GLG1: variants seen among roughly 807,000 people sequenced by gnomAD.
The protein encoded by GLG1 is golgi glycoprotein 1, also known as Golgi apparatus protein 1.
GLG1 carries 38 observed loss-of-function variants against 160.5 expected under a neutral mutation model. The ratio of observed to expected loss-of-function variants is 0.24; its 90% CI spans 0.18 to 0.31. GLG1 has a LOEUF of 0.31. Among genes scored for constraint, GLG1 ranks in the 10% least tolerant of loss-of-function variants. The probability of loss-of-function intolerance (pLI) is 1.00; values close to 1 mark genes in which losing one functional copy is unlikely to be tolerated. For synonymous variants in GLG1, 644 were observed against 543.4 expected, an observed-to-expected ratio of 1.19 and a Z score of -2.57; for missense variants, 1,373 against 1,505.2, an observed-to-expected ratio of 0.91 and a Z score of 1.45.
intron 25 of GLG1, among the ~76,000 whole-genome samples, chr16:74,456,209 T>C (rs1320508639): frequency 6.6e-6 from 1 of 152,226 alleles, no homozygotes; most frequent in Non-Finnish European, 1.5e-5. Context: ...TTTTCAGCGG[T>C]GAACAGTGGG....
chr16:74,527,243 TTC>T (rs2017365704), intron 2 of GLG1, among the ~76,000 whole-genome samples: 1 of 127,396 alleles, frequency 7.8e-6, no homozygotes, highest in South Asian at 2.5e-4. Flanking sequence ...CTTAAGTCAG[TTC>T]TTTTTTTTTT....
chr16:74,512,825 C>T (rs1033480224), intron 2 of GLG1, among the ~76,000 whole-genome samples: 5 of 152,082 alleles, frequency 3.3e-5, no homozygotes, highest in African/African-American at 7.2e-5. Flanking sequence ...GGAGATTTTA[C>T]AGAACACAAA....
chr16:74,575,023 C>A lies in GLG1; in HGVS notation c.438+31634G>T, dbSNP rs866009553. Among the ~76,000 whole-genome samples, 10 of 13,144 alleles carry A rather than the reference C, an allele frequency of 7.6e-4. 4 individuals are homozygous for A. 8.6% of individuals were successfully genotyped at this position (13,144 alleles called of 152,430 possible). On this transcript the variant is annotated intron_variant, in intron 1 of 25. Transcript: ENST00000422840. ...TGGGAGGCCGGGGGGGGGGGGGGGG[C>A]GGATCACGAGGTCAAGAGTTCAAGA...
At chr16:74,558,720 A>C (rs76890938) in intron 1 of GLG1, among the ~76,000 whole-genome samples, 2,847 of 152,292 alleles carry the variant, frequency 0.019, 34 homozygotes, top group Non-Finnish European at 0.027. Flanking sequence ...TCCTATATTA[A>C]CTATTTTGAC....
chr16:74,553,535 C>T (rs1275164392), intron 1 of GLG1, among the ~76,000 whole-genome samples: 5 of 142,842 alleles, frequency 3.5e-5, no homozygotes, highest in Admixed American at 7.4e-5. Context: ...TGCAGTGGCA[C>T]GATCTCGGCT....
At chr16:74,526,094 G>T (rs1305469226) in intron 2 of GLG1, among the ~76,000 whole-genome samples, 1 of 152,208 alleles carries the variant, frequency 6.6e-6, no homozygotes, top group Non-Finnish European at 1.5e-5. Context: ...CGAGAGAGAA[G>T]TATCAATTGA....
chr16:74,572,506 C>A (rs1157249785), intron 1 of GLG1, among the ~76,000 whole-genome samples: 1 of 140,170 alleles, frequency 7.1e-6, no homozygotes, highest in Non-Finnish European at 1.5e-5. Flanking sequence ...GAGTGAGACT[C>A]TGTCTCAAAA....
intron 9 of GLG1, 111 bp downstream of exon 9, chr16:74,485,685 C>A: frequency 4.1e-6 from 4 of 971,196 alleles, no homozygotes; most frequent in Middle Eastern, 2.9e-4. Flanking sequence ...ACTTGTTCAA[C>A]AAAATTTCAG....
At chr16:74,590,237 G>A (rs959636177) in intron 1 of GLG1, among the ~76,000 whole-genome samples, 7 of 152,000 alleles carry the variant, frequency 4.6e-5, no homozygotes, top group African/African-American at 1.7e-4. Context: ...CTGATCTCGT[G>A]ATCCGCCCAC....
At chr16:74,555,362 T>C (rs2018323208) in intron 1 of GLG1, among the ~76,000 whole-genome samples, 1 of 152,206 alleles carries the variant, frequency 6.6e-6, no homozygotes. Context: ...GCAAGTTTCC[T>C]TGACATTGTC....
At position 74,491,184 on chromosome 16, in the gene GLG1, C is replaced by G. The variant is rs939430013; in HGVS notation, c.1266G>C (p.Glu422Asp). 1.2e-6 allele frequency: 2 copies of G among 1,613,948 alleles called. No individual in the cohort carries two copies. Among genetic ancestry groups the G allele is most frequent in the African/African-American group, 2.7e-5 (2 of 74,936 alleles). ...TCAACATGCGTCGGTAATCCAGCAT[C>G]TCCCCCTGGCACTCACTGCTGACTT... Reference protein sequence around the residue: ...GRQVSSECQGEMLDYRRMLME... With the variant: ...GRQVSSECQGDMLDYRRMLME... Residue 422 changes from glutamate to aspartate, a missense_variant, in exon 8 of 26, where the codon GAG (glutamate) becomes GAC (aspartate). Transcript: ENST00000422840.
At chr16:74,559,973 C>CT (rs556566763) in intron 1 of GLG1, among the ~76,000 whole-genome samples, 117 of 152,288 alleles carry the variant, frequency 7.7e-4, no homozygotes, top group African/African-American at 2.7e-3. Context: ...TAATAGCTTA[C>CT]TTTATATAGT....
chr16:74,469,130 TG>T (rs753013769), intron 16 of GLG1, 67 bp from the exon 17 acceptor site: 79 of 989,960 alleles, frequency 8.0e-5, no homozygotes, highest in Middle Eastern at 2.1e-4. Context: ...GAGCTGGGCT[TG>T]GGGGGGGTCA....
chr16:74,589,884 C>A (rs1004409115), intron 1 of GLG1, among the ~76,000 whole-genome samples: 8 of 152,098 alleles, frequency 5.3e-5, no homozygotes, highest in African/African-American at 1.9e-4. Context: ...TTGCAGTGAG[C>A]TGAAATCCAG....
At chr16:74,582,389 C>T (rs1957957862) in intron 1 of GLG1, among the ~76,000 whole-genome samples, 1 of 152,030 alleles carries the variant, frequency 6.6e-6, no homozygotes, top group South Asian at 2.1e-4. Flanking sequence ...TGGTCTTGAA[C>T]TCCTGACCTC....
At chr16:74,479,252 A>AG (rs2015512032) in intron 11 of GLG1, among the ~76,000 whole-genome samples, 1 of 150,118 alleles carries the variant, frequency 6.7e-6, no homozygotes, top group African/African-American at 2.4e-5. Flanking sequence ...AAAAAAAAAA[A>AG]AAAAGGTTAA....
Position 74,453,093 on chromosome 16 carries a change from AGT to A in GLG1, c.*72_*73del. ...TGTCACTTCTGAGAAGAGCGAGGTG[AGT>A]GGGGATGCTATACAAGAGGGCTGTA... On this transcript the variant is annotated 3_prime_UTR_variant, in exon 26 of 26. Transcript: ENST00000422840. The A allele has an allele frequency of 1.3e-6, 2 of 1,558,776 alleles. No homozygotes were observed. Among genetic ancestry groups the A allele is most frequent in the Non-Finnish European group, 1.7e-6 (2 of 1,152,724 alleles).
At chr16:74,455,540 A>T (rs1220512837) in intron 25 of GLG1, among the ~76,000 whole-genome samples, 1 of 152,104 alleles carries the variant, frequency 6.6e-6, no homozygotes, top group East Asian at 1.9e-4. Flanking sequence ...GGGTGAGGAG[A>T]GTGTTGACTA....
In GLG1 at chr16:74,557,515, T is replaced by C. The variant is rs149370009; in HGVS notation, c.439-25362A>G. On this transcript the variant is annotated intron_variant, in intron 1 of 25. Transcript: ENST00000422840. ...GGTGGAAGTGAGAATGCTTTGCAGA[T>C]ACTAGTAGGCCAAAACTCTAGGCAT... 2.4e-3 allele frequency among the ~76,000 whole-genome samples: 365 copies of C among 152,302 alleles called. 2 individuals carry two copies. Among genetic ancestry groups the C allele is most frequent in the Non-Finnish European group, 4.2e-3 (283 of 68,026 alleles).
Sources: allele counts gnomAD v4.1 joint callset (sites outside exome capture counted in the v4.1 genomes callset), GRCh38; gene constraint gnomAD v4.1.1; transcripts MANE v1.5; gene names NCBI Gene and HGNC (gene_info 2026-07-23, HGNC 2026-07-21).